Variants in CYSLTR2 observed in about 807,000 individuals in gnomAD.
CYSLTR2 encodes the protein cysteinyl leukotriene receptor 2.
For synonymous variants in CYSLTR2, 179 were observed against 160.8 expected, an observed-to-expected ratio of 1.11 and a Z score of -0.86; for missense variants, 398 against 411.9, an observed-to-expected ratio of 0.97 and a Z score of 0.29.
intron 1 of CYSLTR2, among the ~76,000 whole-genome samples, chr13:48,662,316 A>G (rs1953150727): frequency 6.6e-6 from 1 of 152,218 alleles, no homozygotes; most frequent in Non-Finnish European, 1.5e-5. Flanking sequence ...TGCAGTAAAC[A>G]TGTCAGTGCA....
chr13:48,699,420 C>G (rs1954282561), intron 4 of CYSLTR2, among the ~76,000 whole-genome samples: 1 of 152,190 alleles, frequency 6.6e-6, no homozygotes, highest in South Asian at 2.1e-4. Flanking sequence ...TGAATGACTA[C>G]TGGGTACATA....
intron 1 of CYSLTR2, among the ~76,000 whole-genome samples, chr13:48,663,412 C>G (rs994043903): frequency 6.6e-6 from 1 of 152,102 alleles, no homozygotes; most frequent in African/African-American, 2.4e-5. Flanking sequence ...TGCATTGAAT[C>G]TGTAGGTTGC....
rs1258609123 is a variant in CYSLTR2, at chr13:48,707,945, T to G, written c.*87T>G. 2 of 1,096,354 alleles carry G rather than the reference T, an allele frequency of 1.8e-6. No individual in the cohort carries two copies. The highest frequency in any genetic ancestry group is 2.5e-6 in the Non-Finnish European group (2 of 797,906). The allele number at this position is 1,096,354 out of a possible 1,614,324, so 67.9% of individuals were successfully genotyped here. A position where few individuals can be genotyped will look rare whatever the true frequency, so the allele number is the denominator to read the frequency against. On this transcript the variant is annotated 3_prime_UTR_variant, in exon 5 of 5. Coordinates refer to ENST00000682523, the MANE Select transcript of CYSLTR2 (RefSeq NM_001308476.3). ...CCAAATGACTTTGTATTTACATCACTCCCAACAAATGTTGATTCTTAATAT... is the reference window on the plus strand; with the variant it reads ...CCAAATGACTTTGTATTTACATCACGCCCAACAAATGTTGATTCTTAATAT...
At chr13:48,679,508 C>T (rs1486369202) in intron 1 of CYSLTR2, among the ~76,000 whole-genome samples, 2 of 152,232 alleles carry the variant, frequency 1.3e-5, no homozygotes, top group Non-Finnish European at 2.9e-5. Flanking sequence ...CTACCACTAA[C>T]TTGCAAGGGA....
At chr13:48,658,936 C>T (rs1214582279) in intron 1 of CYSLTR2, among the ~76,000 whole-genome samples, 1 of 152,040 alleles carries the variant, frequency 6.6e-6, no homozygotes, top group East Asian at 1.9e-4. Context: ...GTCACTCTGG[C>T]CACTGTGTGA....
At chr13:48,697,176 C>A (rs147725180) in intron 4 of CYSLTR2, among the ~76,000 whole-genome samples, 1 of 152,150 alleles carries the variant, frequency 6.6e-6, no homozygotes, top group African/African-American at 2.4e-5. Flanking sequence ...TCTCCCAGCA[C>A]GGAGTTTGAG....
At chr13:48,692,886 A>G (rs1179816699) in intron 2 of CYSLTR2, among the ~76,000 whole-genome samples, 1 of 151,716 alleles carries the variant, frequency 6.6e-6, no homozygotes, top group Non-Finnish European at 1.5e-5. Flanking sequence ...AGAAATAAAC[A>G]TAATTGTATT....
At chr13:48,667,298 C>G (rs926857246) in intron 1 of CYSLTR2, among the ~76,000 whole-genome samples, 1 of 152,178 alleles carries the variant, frequency 6.6e-6, no homozygotes, top group African/African-American at 2.4e-5. Context: ...GGTCAACGAA[C>G]TATGGGTTAA....
chr13:48,659,279 T>C (rs902590621), intron 1 of CYSLTR2, among the ~76,000 whole-genome samples: 8 of 152,198 alleles, frequency 5.3e-5, no homozygotes, highest in Admixed American at 1.3e-4. Flanking sequence ...AGGCAAAGTG[T>C]AGCTGCATCC....
At position 48,709,990 on chromosome 13, in the gene CYSLTR2, T is replaced by A. The variant is rs1403803609; in HGVS notation, c.*2132T>A. 1 of 152,290 alleles carries A rather than the reference T, an allele frequency of 6.6e-6. No individual in the cohort carries two copies. Among genetic ancestry groups the A allele is most frequent in the African/African-American group, 2.4e-5 (1 of 41,578 alleles). The allele number at this position is 152,290 out of a possible 1,614,324, so 9.4% of individuals were successfully genotyped here. The stretch of plus-strand genomic sequence containing the variant: ...TGCAGAGATTGAGATAAACTAGTCG[T>A]AAATACATAGAAAAATAAGCAAGTA... On this transcript the variant is annotated 3_prime_UTR_variant, in exon 5 of 5. Transcript: ENST00000682523.
intron 1 of CYSLTR2, among the ~76,000 whole-genome samples, chr13:48,678,949 C>T (rs988190967): frequency 2.6e-5 from 4 of 152,146 alleles, no homozygotes; most frequent in African/African-American, 9.7e-5. Context: ...AAACTGTCCT[C>T]ATCTGCTGCC....
chr13:48,676,112 C>A (rs575491940), intron 1 of CYSLTR2, among the ~76,000 whole-genome samples: 1 of 152,300 alleles, frequency 6.6e-6, no homozygotes, highest in East Asian at 1.9e-4. Context: ...GCCAGTCACC[C>A]TATCCTCATT....
At chr13:48,672,422 A>G (rs935330364) in intron 1 of CYSLTR2, among the ~76,000 whole-genome samples, 1 of 152,086 alleles carries the variant, frequency 6.6e-6, no homozygotes, top group Non-Finnish European at 1.5e-5. Flanking sequence ...ATTTAGTGCT[A>G]TAAATTTCCT....
chr13:48,661,452 T>C (rs2138811968), intron 1 of CYSLTR2, among the ~76,000 whole-genome samples: 1 of 151,756 alleles, frequency 6.6e-6, no homozygotes, highest in Non-Finnish European at 1.5e-5. Context: ...GCCTTGTTTT[T>C]ATATATTTAC....
At chr13:48,665,468 A>G (rs536048727) in intron 1 of CYSLTR2, among the ~76,000 whole-genome samples, 2 of 152,108 alleles carry the variant, frequency 1.3e-5, no homozygotes, top group Non-Finnish European at 2.9e-5. Context: ...TAGATTTAAT[A>G]TTTGCTTTAT....
chr13:48,707,863 C>A lies in CYSLTR2; in HGVS notation c.*5C>A. On this transcript the variant is annotated 3_prime_UTR_variant, in exon 5 of 5. Transcript: ENST00000682523. Reference sequence around the variant, plus strand: ...AGAAAGGAAACAAGAGTATAAGGAGCTCTTAGATGAGACCTGTTCTTGTAT... The same window carrying A: ...AGAAAGGAAACAAGAGTATAAGGAGATCTTAGATGAGACCTGTTCTTGTAT... 1 of 1,513,452 alleles carries A rather than the reference C, an allele frequency of 6.6e-7. No homozygotes were observed. The highest frequency in any genetic ancestry group is 8.8e-7 in the Non-Finnish European group (1 of 1,132,242). 93.8% of individuals were successfully genotyped at this position (1,513,452 alleles called of 1,614,324 possible).
chr13:48,658,566 C>A (rs1301117539), intron 1 of CYSLTR2, among the ~76,000 whole-genome samples: 1 of 152,208 alleles, frequency 6.6e-6, no homozygotes, highest in South Asian at 2.1e-4. Flanking sequence ...GAGACAACTG[C>A]TGCCCCTGGA....
chr13:48,665,128 C>G (rs1256812243), intron 1 of CYSLTR2, among the ~76,000 whole-genome samples: 1 of 151,692 alleles, frequency 6.6e-6, no homozygotes, highest in Non-Finnish European at 1.5e-5. Context: ...TTGAATGTTC[C>G]CCTTGTTATT....
At chr13:48,705,583 T>C (rs1205031925) in intron 4 of CYSLTR2, among the ~76,000 whole-genome samples, 2 of 149,462 alleles carry the variant, frequency 1.3e-5, no homozygotes, top group African/African-American at 4.9e-5. Context: ...GTGGAAGCTC[T>C]AGGTATTTCT....
Sources: gnomAD v4.1 joint callset for allele counts (sites outside exome capture counted in the v4.1 genomes callset) on GRCh38, gnomAD v4.1.1 for gene constraint, MANE v1.5 for transcripts, NCBI Gene and HGNC (gene_info 2026-07-23, HGNC 2026-07-21) for gene names.